The following MYPN variants were observed in gnomAD, a reference collection of about 807,000 sequenced individuals.
MYPN encodes the protein myopalladin, also known as sarcomeric protein myopalladin, 145 kDa (MYOP).
In MYPN, 63 loss-of-function variants were observed where a neutral mutation model predicts 129.4. The observed-to-expected ratio is 0.49, with a 90% CI of 0.40 to 0.60. The LOEUF (loss-of-function observed/expected upper bound fraction) is 0.60. MYPN is among the 20% of genes least tolerant of loss of function. The pLI is 0.00. For synonymous variants in MYPN, 629 were observed against 600.9 expected (o/e 1.05, Z -0.68); for missense variants, 1,596 against 1,635.4 (o/e 0.98, Z 0.42).
intron 10 of MYPN, 114 bp downstream of exon 10, chr10:68,166,780 G>A: frequency 6.9e-7 from 1 of 1,439,106 alleles, no homozygotes; most frequent in Non-Finnish European, 9.5e-7. Context: ...TGTAATCCGA[G>A]CACTTTGGGA....
chr10:68,098,529 T>C (rs2041967509), intron 1 of MYPN, among the ~76,000 whole-genome samples: 1 of 152,022 alleles, frequency 6.6e-6, no homozygotes, highest in Admixed American at 6.6e-5. Flanking sequence ...TCACCACTAT[T>C]CATGCAAAAT....
chr10:68,106,737 C>T (rs1168251503), upstream of MYPN: 1 of 717,242 alleles, frequency 1.4e-6, no homozygotes, highest in African/African-American at 1.7e-5. Context: ...GCTTACCGTC[C>T]AAGTGAAGAC....
chr10:68,145,010 A>T (rs2042638069), intron 3 of MYPN, among the ~76,000 whole-genome samples: 1 of 151,822 alleles, frequency 6.6e-6, no homozygotes, highest in African/African-American at 2.4e-5. Context: ...TAGTGTAGTG[A>T]ATCAATGAGT....
chr10:68,145,865 A>G (rs1289652274), intron 4 of MYPN, among the ~76,000 whole-genome samples: 1 of 152,138 alleles, frequency 6.6e-6, no homozygotes, highest in East Asian at 1.9e-4. Context: ...ACCAGAGTAA[A>G]TGACTCCTCT....
rs1589529109 is a variant in MYPN, at chr10:68,122,140, G to C, written c.702G>C (p.Lys234Asn). Residue 234 changes from lysine to asparagine, a missense_variant, in exon 2 of 20, where the codon AAG becomes AAC. Physicochemically the swap from Lys to Asn is moderately conservative, Grantham distance 94 (BLOSUM62 0). Transcript: ENST00000358913. ...VNHALEQQEA[K>N]RREAEQAASE... ...ACGCCCTGGAACAGCAGGAAGCCAA[G>C]AGGCGTGAAGCGGAGCAGGCTGCCA... is the stretch of plus-strand genomic sequence containing the variant. The C allele has an allele frequency of 1.2e-6, 2 of 1,613,576 alleles. No individual in the cohort carries two copies. The highest frequency in any genetic ancestry group is 4.5e-5 in the East Asian group (2 of 44,884).
chr10:68,193,430 G>C (rs1354825267), intron 13 of MYPN, among the ~76,000 whole-genome samples: 1 of 152,166 alleles, frequency 6.6e-6, no homozygotes, highest in African/African-American at 2.4e-5. Context: ...TCACCAAACT[G>C]ATATTTTTCT....
intron 1 of MYPN, among the ~76,000 whole-genome samples, chr10:68,112,386 C>T (rs185646225): frequency 6.6e-6 from 1 of 152,290 alleles, no homozygotes; most frequent in East Asian, 1.9e-4. Flanking sequence ...TCGTAGGAGC[C>T]AGTCTTTTTT....
intron 1 of MYPN, among the ~76,000 whole-genome samples, chr10:68,109,978 T>C (rs1455811831): frequency 6.6e-6 from 1 of 152,138 alleles, no homozygotes; most frequent in African/African-American, 2.4e-5. Flanking sequence ...ACAGAAGAAG[T>C]TGTGACATGT....
chr10:68,210,166 G>T, intron 19 of MYPN, 120 bp from the exon 20 acceptor site: 1 of 1,142,586 alleles, frequency 8.8e-7, no homozygotes, highest in African/African-American at 1.5e-5. Context: ...CCCAGGTATA[G>T]TTATATGCTT....
intron 10 of MYPN, among the ~76,000 whole-genome samples, chr10:68,167,522 C>G (rs780518435): frequency 6.6e-6 from 1 of 152,158 alleles, no homozygotes; most frequent in Non-Finnish European, 1.5e-5. Context: ...CCATCCATAA[C>G]AAAGCAAATA....
intron 19 of MYPN, 115 bp downstream of exon 19, chr10:68,207,018 G>A: frequency 7.5e-7 from 1 of 1,334,462 alleles, no homozygotes; most frequent in Non-Finnish European, 1.0e-6. Flanking sequence ...AGCACTTTGG[G>A]AGGCCGAGGC....
At chr10:68,119,677 G>T (rs10823140) in intron 1 of MYPN, among the ~76,000 whole-genome samples, 16,362 of 152,198 alleles carry the variant, frequency 0.11, 1,282 homozygotes, top group East Asian at 0.4. Flanking sequence ...CTCCCAAAGT[G>T]CTGGGATCAT....
At chr10:68,199,626 C>T (rs748322359) in intron 17 of MYPN, 51 bp downstream of exon 17, 6 of 1,565,004 alleles carry the variant, frequency 3.8e-6, no homozygotes, top group African/African-American at 1.4e-5. Flanking sequence ...AAAGTCATTA[C>T]CCAAAGAGGC....
chr10:68,114,496 C>T (rs2042127401), intron 1 of MYPN, among the ~76,000 whole-genome samples: 1 of 151,990 alleles, frequency 6.6e-6, no homozygotes, highest in Non-Finnish European at 1.5e-5. Context: ...TTACAGGCAC[C>T]TGCCACCACG....
chr10:68,208,784 C>G (rs1054935918), intron 19 of MYPN, among the ~76,000 whole-genome samples: 1 of 152,128 alleles, frequency 6.6e-6, no homozygotes, highest in Non-Finnish European at 1.5e-5. Context: ...CGATTCCCTT[C>G]CCCGCCACCA....
At chr10:68,146,649 C>T (rs1476283650) in intron 4 of MYPN, among the ~76,000 whole-genome samples, 1 of 152,152 alleles carries the variant, frequency 6.6e-6, no homozygotes, top group African/African-American at 2.4e-5. Context: ...CCCCACATTC[C>T]ACTAGGTTCC....
chr10:68,121,447 CGA>C lies in MYPN; in HGVS notation c.10_11del (p.Asp4GlnfsTer19). On this transcript the variant is annotated frameshift_variant, in exon 2 of 20. Coordinates refer to ENST00000358913, the MANE Select transcript of MYPN (RefSeq NM_032578.4). LOFTEE classifies it high-confidence loss of function. MQD[D>X]SIEASTSISQ... ...TATTATTTTGTGACAGCATGCAAGA[CGA>C]CAGCATAGAAGCTTCTACTTCCATA... 6.2e-7 allele frequency: 1 copy of C among 1,610,218 alleles called. No homozygotes were observed. Among genetic ancestry groups the C allele is most frequent in the South Asian group, 1.1e-5 (1 of 90,490 alleles).
chr10:68,099,181 G>A (rs2041970842), intron 1 of MYPN, among the ~76,000 whole-genome samples: 1 of 152,094 alleles, frequency 6.6e-6, no homozygotes, highest in Non-Finnish European at 1.5e-5. Flanking sequence ...GATAAAATTT[G>A]GGGTGGCTCC....
At chr10:68,130,572 C>CTTTTAA (rs1474993364) in intron 2 of MYPN, among the ~76,000 whole-genome samples, 1 of 150,864 alleles carries the variant, frequency 6.6e-6, no homozygotes, top group Non-Finnish European at 1.5e-5. Context: ...TCTATTTCCT[C>CTTTTAA]TTTTTATTTT....
Sources: allele counts gnomAD v4.1 joint callset (sites outside exome capture counted in the v4.1 genomes callset), GRCh38; gene constraint gnomAD v4.1.1; transcripts MANE v1.5; gene names NCBI Gene and HGNC (gene_info 2026-07-23, HGNC 2026-07-21).